The following GRIK4 variants were observed in gnomAD, a reference collection of about 807,000 sequenced individuals.
GRIK4 encodes glutamate ionotropic receptor kainate type subunit 4.
GRIK4 carries 40 observed loss-of-function variants against 104.9 expected under a neutral mutation model. That is an observed-to-expected ratio of 0.38 (90% CI 0.30 to 0.50). GRIK4 has a LOEUF of 0.50. Ranked by LOEUF, GRIK4 falls within the 20% of genes least tolerant of loss-of-function variation. The pLI, the probability that GRIK4 is intolerant of heterozygous loss-of-function variation, is 0.93. For synonymous variants in GRIK4, 485 were observed against 524.9 expected, an observed-to-expected ratio of 0.92 and a Z score of 1.04; for missense variants, 1,047 against 1,308.1, an observed-to-expected ratio of 0.80 and a Z score of 3.08.
chr11:120,568,655 T>C (rs1004401304), intron 1 of GRIK4, among the ~76,000 whole-genome samples: 5 of 152,206 alleles, frequency 3.3e-5, no homozygotes, highest in African/African-American at 1.2e-4. Flanking sequence ...CCCAAAGTGC[T>C]GGGATTACAG....
intron 1 of GRIK4, among the ~76,000 whole-genome samples, chr11:120,527,627 T>G (rs1225548140): frequency 1.3e-5 from 2 of 152,242 alleles, no homozygotes; most frequent in African/African-American, 4.8e-5. Flanking sequence ...ATTCAGGTGC[T>G]TTTGTTACCT....
At chr11:120,645,637 G>A (rs1013907312) in intron 1 of GRIK4, among the ~76,000 whole-genome samples, 2 of 152,210 alleles carry the variant, frequency 1.3e-5, no homozygotes, top group Admixed American at 6.5e-5. Flanking sequence ...CCTGTGCATG[G>A]TTGGTGTAGG....
intron 11 of GRIK4, among the ~76,000 whole-genome samples, chr11:120,896,481 G>A (rs1294634798): frequency 6.6e-6 from 1 of 152,266 alleles, no homozygotes; most frequent in East Asian, 1.9e-4. Flanking sequence ...CATTCTTGCA[G>A]GGCGTGGACG....
intron 3 of GRIK4, among the ~76,000 whole-genome samples, chr11:120,762,578 C>T (rs1033235865): frequency 1.3e-5 from 2 of 152,160 alleles, no homozygotes; most frequent in Non-Finnish European, 2.9e-5. Flanking sequence ...GTGGGTTTGT[C>T]ATAAGTAGCT....
intron 3 of GRIK4, among the ~76,000 whole-genome samples, chr11:120,756,227 G>T (rs1471162296): frequency 6.6e-6 from 1 of 152,202 alleles, no homozygotes; most frequent in Non-Finnish European, 1.5e-5. Flanking sequence ...ATTTTCATTT[G>T]TCAGACATGT....
chr11:120,776,468 A>G (rs1416393220), intron 3 of GRIK4, among the ~76,000 whole-genome samples: 1 of 152,194 alleles, frequency 6.6e-6, no homozygotes, highest in African/African-American at 2.4e-5. Context: ...GACACCCTCC[A>G]TGTCTGCTGC....
chr11:120,746,643 G>A (rs1463114479), intron 3 of GRIK4, among the ~76,000 whole-genome samples: 1 of 152,158 alleles, frequency 6.6e-6, no homozygotes, highest in African/African-American at 2.4e-5. Context: ...CCCAAAAGGG[G>A]GAATTAAGGC....
chr11:120,686,142 G>A (rs978227502), intron 3 of GRIK4, among the ~76,000 whole-genome samples: 1 of 151,694 alleles, frequency 6.6e-6, no homozygotes, highest in Non-Finnish European at 1.5e-5. Context: ...CATCGTAAGC[G>A]CATAATAAAT....
chr11:120,685,402 G>T (rs1950259465), intron 3 of GRIK4, among the ~76,000 whole-genome samples: 1 of 152,150 alleles, frequency 6.6e-6, no homozygotes, highest in South Asian at 2.1e-4. Flanking sequence ...TTGTCATGTA[G>T]GGCTCTTCTG....
intron 4 of GRIK4, among the ~76,000 whole-genome samples, chr11:120,805,056 T>C (rs181157624): frequency 2.0e-3 from 295 of 143,954 alleles, no homozygotes; most frequent in African/African-American, 8.5e-3. Flanking sequence ...TATTTTATTC[T>C]AGGCCATGGG....
At chr11:120,636,546 A>G (rs1949399021) in intron 1 of GRIK4, among the ~76,000 whole-genome samples, 1 of 152,146 alleles carries the variant, frequency 6.6e-6, no homozygotes, top group Admixed American at 6.5e-5. Context: ...TTCCCTAGAA[A>G]GACTGCTACT....
chr11:120,950,877 T>A (rs1413385849), intron 14 of GRIK4, among the ~76,000 whole-genome samples: 1 of 152,222 alleles, frequency 6.6e-6, no homozygotes. Flanking sequence ...AATGATTTCC[T>A]CATTCTTCTC....
At chr11:120,560,533 T>C (rs113083192) in intron 1 of GRIK4, among the ~76,000 whole-genome samples, 2,504 of 152,348 alleles carry the variant, frequency 0.016, 38 homozygotes, top group Non-Finnish European at 0.025. Flanking sequence ...TATGTGTGTA[T>C]ATGGTATAGC....
chr11:120,764,188 C>T (rs1364049567), intron 3 of GRIK4, among the ~76,000 whole-genome samples: 3 of 152,114 alleles, frequency 2.0e-5, no homozygotes, highest in Non-Finnish European at 4.4e-5. Context: ...ATCCCTTTAC[C>T]ATTATGTAAT....
intron 3 of GRIK4, among the ~76,000 whole-genome samples, chr11:120,773,905 CAG>C (rs1951992227): frequency 6.6e-6 from 1 of 152,202 alleles, no homozygotes; most frequent in Admixed American, 6.5e-5. Flanking sequence ...AAGTTTCTGA[CAG>C]AAGCAAAACA....
At chr11:120,551,940 A>G (rs1026978892) in intron 1 of GRIK4, among the ~76,000 whole-genome samples, 1 of 152,214 alleles carries the variant, frequency 6.6e-6, no homozygotes, top group African/African-American at 2.4e-5. Context: ...GGGAGGGCAT[A>G]TAAGCCCTGC....
At chr11:120,763,435 T>C (rs1376512307) in intron 3 of GRIK4, among the ~76,000 whole-genome samples, 1 of 152,218 alleles carries the variant, frequency 6.6e-6, no homozygotes, top group Non-Finnish European at 1.5e-5. Flanking sequence ...TTCATGCCTC[T>C]ATCTCCTTCA....
intron 3 of GRIK4, among the ~76,000 whole-genome samples, chr11:120,665,121 G>A (rs77029614): frequency 0.028 from 4,231 of 151,952 alleles, 218 homozygotes; most frequent in African/African-American, 0.097. Context: ...GGAGAATTGG[G>A]GGAGACAAGG....
chr11:120,871,479 G>A, intron 9 of GRIK4: 1 of 397,696 alleles, frequency 2.5e-6, no homozygotes, highest in Non-Finnish European at 5.1e-6. Flanking sequence ...AGGGACTCGG[G>A]AGTGTGGTGG....
Sources: allele counts gnomAD v4.1 joint callset (sites outside exome capture counted in the v4.1 genomes callset), GRCh38; gene constraint gnomAD v4.1.1; transcripts MANE v1.5; gene names NCBI Gene and HGNC (gene_info 2026-07-23, HGNC 2026-07-21).